Variants in TFB1M observed in about 807,000 individuals in gnomAD.
TFB1M encodes the protein transcription factor B1, mitochondrial.
A neutral mutation model predicts 31.1 loss-of-function variants in TFB1M; 27 were observed. The ratio of observed to expected loss-of-function variants is 0.87; its 90% CI spans 0.64 to 1.20. The LOEUF is 1.20. Ranked by LOEUF, TFB1M falls within the 50% of genes most tolerant of loss-of-function variation. TFB1M has a pLI of 0.00. For missense variants in TFB1M, 394 were observed against 418.7 expected, an observed-to-expected ratio of 0.94 and a Z score of 0.51; for synonymous variants, 166 against 151.8, an observed-to-expected ratio of 1.09 and a Z score of -0.69.
chr6:155,261,180 A>T (rs575829933), intron 5 of TFB1M, among the ~76,000 whole-genome samples: 1 of 152,370 alleles, frequency 6.6e-6, no homozygotes, highest in South Asian at 2.1e-4. Context: ...AGACAGAGGG[A>T]AATGGATTCA....
At chr6:155,258,614 G>T (rs17813064) in intron 6 of TFB1M, among the ~76,000 whole-genome samples, 1 of 152,118 alleles carries the variant, frequency 6.6e-6, no homozygotes, top group Non-Finnish European at 1.5e-5. Context: ...CTGATTTGAA[G>T]TAGAGGATAT....
At chr6:155,280,790 C>A (rs1785462978) in intron 5 of TFB1M, among the ~76,000 whole-genome samples, 1 of 152,162 alleles carries the variant, frequency 6.6e-6, no homozygotes, top group African/African-American at 2.4e-5. Flanking sequence ...ACCCATCCAC[C>A]CACCAAACTC....
intron 5 of TFB1M, among the ~76,000 whole-genome samples, chr6:155,273,599 G>C (rs1323161134): frequency 2.0e-5 from 3 of 152,094 alleles, no homozygotes; most frequent in Non-Finnish European, 4.4e-5. Flanking sequence ...GACAGTTAAT[G>C]GTGCTTTTTG....
chr6:155,230,081 G>A, the TFB1M span, among the ~76,000 whole-genome samples: 53 of 152,054 alleles, frequency 3.5e-4, no homozygotes, highest in African/African-American at 1.1e-3. Context: ...CTGTACCACC[G>A]AGAGTACAAA....
intron 5 of TFB1M, among the ~76,000 whole-genome samples, chr6:155,271,606 T>C (rs1784919108): frequency 6.6e-6 from 1 of 152,182 alleles, no homozygotes; most frequent in Non-Finnish European, 1.5e-5. Flanking sequence ...TTAACAATTT[T>C]ATGAATTCAG....
the TFB1M span, among the ~76,000 whole-genome samples, chr6:155,235,839 A>C: frequency 1.3e-5 from 2 of 152,246 alleles, no homozygotes; most frequent in Non-Finnish European, 1.5e-5. Flanking sequence ...CTAAAATGGC[A>C]AGATACTTTA....
At chr6:155,277,097 C>G (rs774959430) in intron 5 of TFB1M, among the ~76,000 whole-genome samples, 1 of 152,166 alleles carries the variant, frequency 6.6e-6, no homozygotes, top group African/African-American at 2.4e-5. Flanking sequence ...GTGATAAGAA[C>G]AAAAGTTTGT....
chr6:155,276,207 C>G (rs1193974897), intron 5 of TFB1M: 2 of 1,614,120 alleles, frequency 1.2e-6, no homozygotes, highest in Non-Finnish European at 1.7e-6. Flanking sequence ...CCTGGAGGAG[C>G]TATCTATATC....
chr6:155,306,368 G>A (rs979368938), intron 2 of TFB1M, among the ~76,000 whole-genome samples: 2 of 152,098 alleles, frequency 1.3e-5, no homozygotes, highest in Non-Finnish European at 2.9e-5. Flanking sequence ...TCTACTCCTA[G>A]GTCTTTACTC....
At chr6:155,276,708 G>C (rs1266812069) in intron 5 of TFB1M, among the ~76,000 whole-genome samples, 1 of 152,134 alleles carries the variant, frequency 6.6e-6, no homozygotes, top group Non-Finnish European at 1.5e-5. Flanking sequence ...TTTTATAAAA[G>C]AACTAAACTG....
chr6:155,245,572 C>A, the TFB1M span: 1 of 1,441,954 alleles, frequency 6.9e-7, no homozygotes, highest in Non-Finnish European at 9.8e-7. Flanking sequence ...CATAAGCCAG[C>A]ACGCATTGAT....
intron 5 of TFB1M, chr6:155,275,767 T>G (rs927718): frequency 1.2e-6 from 2 of 1,613,774 alleles, no homozygotes. Flanking sequence ...TGGCCTTATC[T>G]GGGGTCTCTG....
At chr6:155,234,092 TAAAG>T in the TFB1M span, among the ~76,000 whole-genome samples, 2 of 152,154 alleles carry the variant, frequency 1.3e-5, no homozygotes, top group South Asian at 2.1e-4. Context: ...TATGACTTCT[TAAAG>T]AAAATATTGG....
chr6:155,257,100 A>G lies in TFB1M; in HGVS notation c.*736T>C. The G allele has an allele frequency of 1.9e-6, 3 of 1,613,914 alleles. 1 individual carries two copies. In the South Asian group the frequency reaches 3.3e-5, roughly 18 times the overall value. Reference sequence around the variant, plus strand: ...TCAGTGAGGAGTGTTTTTATGAAACAGAGAGCCACGGAAAATCATAGTATG... The same window carrying G: ...TCAGTGAGGAGTGTTTTTATGAAACGGAGAGCCACGGAAAATCATAGTATG... On this transcript the variant is annotated 3_prime_UTR_variant, in exon 7 of 7. Transcript: ENST00000367166.
chr6:155,299,847 G>T (rs1265156114), intron 2 of TFB1M, among the ~76,000 whole-genome samples: 1 of 152,146 alleles, frequency 6.6e-6, no homozygotes. Context: ...AAGAAACATG[G>T]CTTGTGGATT....
the TFB1M span, among the ~76,000 whole-genome samples, chr6:155,246,213 G>A: frequency 6.6e-6 from 1 of 152,220 alleles, no homozygotes; most frequent in South Asian, 2.1e-4. Context: ...GTTGCTCTTC[G>A]GTGTTTCTCT....
At chr6:155,299,789 G>A (rs1225060098) in intron 2 of TFB1M, among the ~76,000 whole-genome samples, 1 of 152,118 alleles carries the variant, frequency 6.6e-6, no homozygotes, top group Non-Finnish European at 1.5e-5. Context: ...CAACCAAGAG[G>A]GAGGATAAAC....
chr6:155,314,222 A>T, intron 1 of TFB1M, 74 bp downstream of exon 1: 1 of 1,587,670 alleles, frequency 6.3e-7, no homozygotes, highest in Non-Finnish European at 8.6e-7. Flanking sequence ...GCCCGCGGGG[A>T]CGTGCAAGAC....
At chr6:155,308,938 A>G (rs948168446) in intron 2 of TFB1M, among the ~76,000 whole-genome samples, 3 of 152,074 alleles carry the variant, frequency 2.0e-5, no homozygotes, top group Non-Finnish European at 4.4e-5. Flanking sequence ...CTCACTGGGG[A>G]AAAAAAGGCC....
Sources: allele counts gnomAD v4.1 joint callset (sites outside exome capture counted in the v4.1 genomes callset), GRCh38; gene constraint gnomAD v4.1.1; transcripts MANE v1.5; gene names NCBI Gene and HGNC (gene_info 2026-07-23, HGNC 2026-07-21).